CCDC42: variants seen among roughly 807,000 people sequenced by gnomAD.
CCDC42 encodes the protein coiled-coil domain containing 42, also known as coiled-coil domain-containing protein 42.
In CCDC42, 38 loss-of-function variants were observed where a neutral mutation model predicts 40.8. That is an observed-to-expected ratio of 0.93 (90% CI 0.72 to 1.22). The LOEUF (loss-of-function observed/expected upper bound fraction) is 1.22. Ranked by LOEUF, CCDC42 falls within the 50% of genes most tolerant of loss-of-function variation. The pLI, the probability that CCDC42 is intolerant of heterozygous loss-of-function variation, is 0.00. For synonymous variants in CCDC42, 135 were observed against 157.5 expected, an observed-to-expected ratio of 0.86 and a Z score of 1.07; for missense variants, 379 against 416.5, an observed-to-expected ratio of 0.91 and a Z score of 0.78.
At chr17:8,739,668 G>A (rs893915076) in intron 4 of CCDC42, among the ~76,000 whole-genome samples, 5 of 152,110 alleles carry the variant, frequency 3.3e-5, no homozygotes, top group African/African-American at 1.2e-4. Flanking sequence ...TCAGCCTTCC[G>A]AGTAGCTGGG....
rs778388568 is a variant in CCDC42 at position 8,741,567 on chromosome 17, C to T, written c.399G>A (p.Val133=). 61 of 1,614,096 alleles carry T rather than the reference C, an allele frequency of 3.8e-5. No homozygotes were observed. The highest frequency in any genetic ancestry group is 5.1e-5 in the Non-Finnish European group (60 of 1,180,050). ...GCCGCTGGTGCTCCAGCCGCAGCGC[C>T]ACCATCTCCTGCTTGCGCTTGGTCA... The part of the protein sequence containing the change: ...QELTKRKQEM[V]ALRLEHQRLS... The change falls in exon 4 of 7, where the codon GTG becomes GTA. Residue 133 remains valine, a synonymous_variant. Transcript: ENST00000293845.
In CCDC42 at chr17:8,744,185, C is replaced by T; in HGVS notation, c.84-1G>A. 1.9e-6 allele frequency: 3 copies of T among 1,611,902 alleles called. No homozygotes were observed. The highest frequency in any genetic ancestry group is 2.5e-6 in the Non-Finnish European group (3 of 1,178,442). On this transcript the variant is annotated splice_acceptor_variant, in intron 1 of 6. Coordinates refer to ENST00000293845, the MANE Select transcript of CCDC42 (RefSeq NM_144681.3). LOFTEE classifies it high-confidence loss of function. Reference sequence around the variant, plus strand: ...CGCCCCCTCAACATTGGGGAGTTTCCTGTCCAAGATGTGAACGCGAGAGGG... The same window carrying T: ...CGCCCCCTCAACATTGGGGAGTTTCTTGTCCAAGATGTGAACGCGAGAGGG...
At position 8,738,224 on chromosome 17, in the gene CCDC42, T is replaced by C. The variant is rs1010357044; in HGVS notation, c.493-2613A>G. Among the ~76,000 whole-genome samples the C allele has an allele frequency of 3.9e-5, 6 of 152,322 alleles. No homozygotes were observed. The East Asian group carries it at 1.2e-3, about 29-fold the overall frequency. ...GGTGTAGTTATTTTAAAAAGAGCTC[T>C]CATCTCTTAGAGATACATACTGCAG... On this transcript the variant is annotated intron_variant, in intron 4 of 6. Transcript: ENST00000293845.
chr17:8,744,441 G>T, intron 1 of CCDC42, 86 bp downstream of exon 1: 2 of 1,126,878 alleles, frequency 1.8e-6, no homozygotes, highest in Non-Finnish European at 2.7e-6. Flanking sequence ...GAGAGGAGGG[G>T]ACAGACGGTT....
intron 4 of CCDC42, among the ~76,000 whole-genome samples, chr17:8,740,669 CGGCAGTGTCAG>C (rs1360507437): frequency 2.0e-5 from 3 of 151,940 alleles, no homozygotes; most frequent in African/African-American, 7.3e-5. Context: ...GGAGGGGCAT[CGGCAGTGTCAG>C]ACGCTGCCCC....
rs565250684 is a variant in CCDC42, at chr17:8,730,182, G to C, written c.899C>G (p.Ser300Trp). 3.1e-6 allele frequency: 5 copies of C among 1,613,692 alleles called. No individual in the cohort carries two copies. The East Asian group carries it at 8.9e-5, about 29-fold the overall frequency. The change falls in exon 7 of 7, where the codon TCG (serine) becomes TGG (tryptophan). Residue 300 changes from serine (S) to tryptophan (W), a missense_variant. By Grantham distance (177) the Ser-to-Trp change is radical. Transcript: ENST00000293845. ...DMIQQFIQDR[S>W]DIWAEVKKKE... ...CTTTTTCACCTCTGCCCAGATGTCCGACCGGTCTTGGATAAATTGCTGGAT... is the reference window on the plus strand; with the variant it reads ...CTTTTTCACCTCTGCCCAGATGTCCCACCGGTCTTGGATAAATTGCTGGAT...
At chr17:8,733,938 A>G (rs2086594926) in intron 6 of CCDC42, among the ~76,000 whole-genome samples, 1 of 152,184 alleles carries the variant, frequency 6.6e-6, no homozygotes, top group Non-Finnish European at 1.5e-5. Context: ...TTTTACGATA[A>G]TATTAAAATG....
intron 6 of CCDC42, 37 bp from the exon 7 acceptor site, chr17:8,730,244 C>G (rs530273452): frequency 5.9e-5 from 89 of 1,506,556 alleles, no homozygotes; most frequent in South Asian, 3.2e-4. Flanking sequence ...ACTCCGCCCC[C>G]CAGAGGCCTC....
intron 4 of CCDC42, among the ~76,000 whole-genome samples, chr17:8,736,176 TG>T (rs1004947027): frequency 6.6e-6 from 1 of 152,050 alleles, no homozygotes; most frequent in Non-Finnish European, 1.5e-5. Context: ...GCTTACAGCT[TG>T]GGGGGTGGCA....
chr17:8,731,999 C>A (rs534763121), intron 6 of CCDC42, among the ~76,000 whole-genome samples: 3 of 152,010 alleles, frequency 2.0e-5, no homozygotes. Context: ...CCCATCTCTA[C>A]TAAAAATACA....
chr17:8,734,674 C>T (rs1244665976), intron 6 of CCDC42, among the ~76,000 whole-genome samples: 3 of 151,996 alleles, frequency 2.0e-5, no homozygotes, highest in South Asian at 2.1e-4. Context: ...CTCTTTTTAA[C>T]GAAGTGTGGG....
At position 8,735,132 on chromosome 17, in the gene CCDC42, C is replaced by T; in HGVS notation, c.837G>A (p.Glu279=). ...GCTTGTGGGTGTCCTCCAGTGCCAC[C>T]TCAGTCACCTCCTTCAGGTGCTTGC... The part of the protein sequence containing the change: ...IVSKHLKEVT[E]VALEDTHKQL... The change falls in exon 6 of 7, where the codon GAG becomes GAA. Residue 279 remains glutamate (E), a synonymous_variant. Coordinates refer to ENST00000293845, the MANE Select transcript of CCDC42 (RefSeq NM_144681.3). This position sits in a 1 kb window ranked among gnomAD's most constrained non-coding sequence, Gnocchi z 4.7. 1 of 1,614,226 alleles carries T rather than the reference C, an allele frequency of 6.2e-7. No individual in the cohort carries two copies. Among genetic ancestry groups the T allele is most frequent in the Non-Finnish European group, 8.5e-7 (1 of 1,180,044 alleles).
intron 6 of CCDC42, among the ~76,000 whole-genome samples, chr17:8,731,482 T>C (rs2086579529): frequency 6.6e-6 from 1 of 152,124 alleles, no homozygotes; most frequent in South Asian, 2.1e-4. Context: ...CTATCCACAA[T>C]AGCAAAGAGA....
intron 6 of CCDC42, among the ~76,000 whole-genome samples, chr17:8,731,818 A>G (rs1164016749): frequency 1.3e-5 from 2 of 152,186 alleles, no homozygotes; most frequent in Non-Finnish European, 2.9e-5. Context: ...TTAATACCTG[A>G]GTGATGAAAT....
At chr17:8,731,978 C>T (rs1262371853) in intron 6 of CCDC42, among the ~76,000 whole-genome samples, 1 of 151,736 alleles carries the variant, frequency 6.6e-6, no homozygotes, top group Non-Finnish European at 1.5e-5. Flanking sequence ...TCCTGACTAA[C>T]ACAGTGAAAC....
At position 8,737,916 on chromosome 17, in the gene CCDC42, C is replaced by T. The variant is rs9903915; in HGVS notation, c.493-2305G>A. Reference sequence around the variant, plus strand: ...CTGCAGCCCTGACCTCCTGGGCTCACGCAGTCCTCCTGCCTCAGCCTCCCA... The same window carrying T: ...CTGCAGCCCTGACCTCCTGGGCTCATGCAGTCCTCCTGCCTCAGCCTCCCA... On this transcript the variant is annotated intron_variant, in intron 4 of 6. Coordinates refer to ENST00000293845, the MANE Select transcript of CCDC42 (RefSeq NM_144681.3). Among the ~76,000 whole-genome samples, 454 of 152,268 alleles carry T rather than the reference C, an allele frequency of 3.0e-3. 1 individual carries two copies. The highest frequency in any genetic ancestry group is 6.3e-3 in the African/African-American group (263 of 41,548).
Position 8,735,669 on chromosome 17 carries a change from C to T in CCDC42, c.493-58G>A. The T allele has an allele frequency of 7.0e-7, 1 of 1,437,650 alleles. No homozygotes were observed. Among genetic ancestry groups the T allele is most frequent in the African/African-American group, 1.4e-5 (1 of 70,728 alleles). 89.1% of individuals were successfully genotyped at this position (1,437,650 alleles called of 1,614,324 possible). A position where few individuals can be genotyped will look rare whatever the true frequency, so the allele number is the denominator to read the frequency against. On this transcript the variant is annotated intron_variant, in intron 4 of 6. Transcript: ENST00000293845. This position sits in a 1 kb window ranked among gnomAD's most constrained non-coding sequence, Gnocchi z 4.7. ...AGCCCCTGGGGCCTGAGGGAGCCAC[C>T]CAGTCCTGCCAACCTCCAGCCTGGA...
At position 8,735,617 on chromosome 17, in the gene CCDC42, G is replaced by T; in HGVS notation, c.493-6C>A. Reference sequence around the variant, plus strand: ...ACCTCATGGATCTCCTCGAACTGTGGTCAGGGGCTCAGGTCAATGCACAGC... The same window carrying T: ...ACCTCATGGATCTCCTCGAACTGTGTTCAGGGGCTCAGGTCAATGCACAGC... On this transcript the variant is annotated splice_region_variant and splice_polypyrimidine_tract_variant and intron_variant, in intron 4 of 6. Transcript: ENST00000293845. This position sits in a 1 kb window ranked among gnomAD's most constrained non-coding sequence, Gnocchi z 4.7. The T allele has an allele frequency of 6.2e-7, 1 of 1,612,344 alleles. No homozygotes were observed. The highest frequency in any genetic ancestry group is 8.5e-7 in the Non-Finnish European group (1 of 1,179,076).
chr17:8,732,075 C>CGGAT (rs941627582), intron 6 of CCDC42, among the ~76,000 whole-genome samples: 93 of 149,672 alleles, frequency 6.2e-4, no homozygotes, highest in Middle Eastern at 7.1e-3. Context: ...CCGAGGCGGG[C>CGGAT]GGATCACGAG....
Sources: allele counts gnomAD v4.1 joint callset (sites outside exome capture counted in the v4.1 genomes callset), GRCh38; gene constraint gnomAD v4.1.1; non-coding constraint Gnocchi (gnomAD v3.1); transcripts MANE v1.5; gene names NCBI Gene and HGNC (gene_info 2026-07-23, HGNC 2026-07-21).